The following PNPLA7 variants were observed in gnomAD, a reference collection of about 807,000 sequenced individuals.
PNPLA7 encodes patatin-like phospholipase domain-containing protein 7.
PNPLA7 carries 153 observed loss-of-function variants against 161.7 expected under a neutral mutation model. That is an observed-to-expected ratio of 0.95 (90% CI 0.83 to 1.08). The LOEUF (loss-of-function observed/expected upper bound fraction) is 1.08. PNPLA7 is among the 50% of genes least tolerant of loss of function. The pLI, the probability that PNPLA7 is intolerant of heterozygous loss-of-function variation, is 0.00. For synonymous variants in PNPLA7, 809 were observed against 782.1 expected (o/e 1.03, Z -0.57); for missense variants, 1,739 against 1,856.6 (o/e 0.94, Z 1.16).
intron 25 of PNPLA7, among the ~76,000 whole-genome samples, chr9:137,473,376 TAGA>T (rs1831801430): frequency 6.6e-6 from 1 of 152,128 alleles, no homozygotes; most frequent in Non-Finnish European, 1.5e-5. Context: ...GAAAATCTTC[TAGA>T]AGAAGATGAA....
intron 23 of PNPLA7, among the ~76,000 whole-genome samples, chr9:137,480,096 A>G (rs1342281920): frequency 6.6e-6 from 1 of 152,278 alleles, no homozygotes; most frequent in African/African-American, 2.4e-5. Flanking sequence ...CGGCTTCACA[A>G]GAGGCCACGT....
chr9:137,492,064 T>C (rs1832789692), intron 20 of PNPLA7: 2 of 985,214 alleles, frequency 2.0e-6, no homozygotes, highest in Non-Finnish European at 2.4e-6. Context: ...TGGGGTCAAA[T>C]GCTGTCCAGC....
chr9:137,478,706 C>G, intron 24 of PNPLA7: 1 of 234,038 alleles, frequency 4.3e-6, no homozygotes, highest in Non-Finnish European at 8.4e-6. Flanking sequence ...CCTGAGCAGC[C>G]CTGACATGAG....
At position 137,540,798 on chromosome 9, in the gene PNPLA7, C is replaced by A; in HGVS notation, c.667-76G>T. 7.1e-7 allele frequency: 1 copy of A among 1,398,976 alleles called. No individual in the cohort carries two copies. The highest frequency in any genetic ancestry group is 1.2e-5 in the South Asian group (1 of 82,510). The allele number at this position is 1,398,976 out of a possible 1,614,324, so 86.7% of individuals were successfully genotyped here. ...GGGGCCTGGCGGAGGCTCAGCCCAG[C>A]CCAGGGCAGTGGGGCCACGGGCCTG... On this transcript the variant is annotated intron_variant, in intron 7 of 34. Coordinates refer to ENST00000406427, the MANE Select transcript of PNPLA7 (RefSeq NM_001098537.3). The surrounding 1 kb of genome is among the most constrained non-coding windows in gnomAD (Gnocchi z 5.1).
chr9:137,502,382 A>G (rs1833484288), intron 14 of PNPLA7, among the ~76,000 whole-genome samples: 1 of 151,836 alleles, frequency 6.6e-6, no homozygotes. Context: ...AAAACAAACC[A>G]TTAAACTTCC....
At position 137,502,737 on chromosome 9, in the gene PNPLA7, C is replaced by CGGGGGGGGCCCGGGGGAT. The variant is rs1554767775; in HGVS notation, c.1474-1011_1474-1010insATCCCCCGGGCCCCCCCC. Among the ~76,000 whole-genome samples, 3 of 62,904 alleles carry CGGGGGGGGCCCGGGGGAT rather than the reference C, an allele frequency of 4.8e-5. 1 individual carries two copies. Among genetic ancestry groups the CGGGGGGGGCCCGGGGGAT allele is most frequent in the Non-Finnish European group, 1.1e-4 (3 of 28,546 alleles). The allele number at this position is 62,904 out of a possible 152,430, so 41.3% of individuals were successfully genotyped here. On this transcript the variant is annotated intron_variant, in intron 14 of 34. Transcript: ENST00000406427. ...CGGGGGACGCGGGGGACGGGGGGGA[C>CGGGGGGGGCCCGGGGGAT]GAGAGGGATGTGGGAGCCGGCCACG...
chr9:137,542,581 A>C (rs1258720645), intron 7 of PNPLA7, 61 bp downstream of exon 7: 5 of 1,423,956 alleles, frequency 3.5e-6, no homozygotes, highest in Non-Finnish European at 4.6e-6. Flanking sequence ...ACAGCCCGAG[A>C]AGACAGACGT....
At chr9:137,480,274 G>C (rs1248156192) in intron 23 of PNPLA7, 38 bp downstream of exon 23, 1 of 1,593,326 alleles carries the variant, frequency 6.3e-7, no homozygotes, top group East Asian at 2.2e-5. Flanking sequence ...TCTGAAGAGA[G>C]GGCTCTCCCC....
At chr9:137,464,301 C>A (rs1203781507) in intron 27 of PNPLA7, 39 bp downstream of exon 27, 1 of 1,606,092 alleles carries the variant, frequency 6.2e-7, no homozygotes, top group Non-Finnish European at 8.5e-7. Context: ...AGGGGACAGG[C>A]ACTGGGGGCT....
intron 8 of PNPLA7, among the ~76,000 whole-genome samples, chr9:137,539,912 A>C (rs1172146748): frequency 6.6e-6 from 1 of 152,022 alleles, no homozygotes; most frequent in Non-Finnish European, 1.5e-5. Context: ...CAGCCTCCCA[A>C]GTAGCTGGGA....
At position 137,546,812 on chromosome 9, in the gene PNPLA7, G is replaced by T; in HGVS notation, c.273+18C>A. The T allele has an allele frequency of 6.2e-7, 1 of 1,613,046 alleles. No individual in the cohort carries two copies. Among genetic ancestry groups the T allele is most frequent in the South Asian group, 1.1e-5 (1 of 91,084 alleles). ...TCGAGGAAGCCGTGTGCAGCCTGGG[G>T]CCCCGAGCAACAGCTACCTTCCTCA... On this transcript the variant is annotated intron_variant, in intron 4 of 34. Coordinates refer to ENST00000406427, the MANE Select transcript of PNPLA7 (RefSeq NM_001098537.3).
rs765114134 is a variant in PNPLA7, at chr9:137,462,016, G to A, written c.3671C>T (p.Thr1224Met). Residue 1224 changes from threonine to methionine, a missense_variant, in exon 32 of 35, where the codon ACG becomes ATG. Thr to Met is a moderately conservative substitution (Grantham distance 81). Coordinates refer to ENST00000406427, the MANE Select transcript of PNPLA7 (RefSeq NM_001098537.3). ...GCTGCGGCCCCAGATGTCAAACACC[G>A]TGCGCCCGTGCTGGTAGCCCACTTC... is the stretch of plus-strand genomic sequence containing the variant. ...ICEVGYQHGR[T>M]VFDIWGRSGV... 4.4e-6 allele frequency: 7 copies of A among 1,600,604 alleles called. No homozygotes were observed. Among genetic ancestry groups the A allele is most frequent in the Non-Finnish European group, 5.1e-6 (6 of 1,175,236 alleles).
chr9:137,508,333 C>T (rs1427533847), intron 12 of PNPLA7, among the ~76,000 whole-genome samples: 3 of 152,100 alleles, frequency 2.0e-5, no homozygotes, highest in Admixed American at 6.5e-5. Context: ...TTTGGGAGGA[C>T]GAGGCGGGCG....
In PNPLA7 at chr9:137,520,850, C is replaced by T. The variant is rs952078110; in HGVS notation, c.957+786G>A. Among the ~76,000 whole-genome samples the T allele has an allele frequency of 8.5e-5, 13 of 152,244 alleles. No homozygotes were observed. The highest frequency in any genetic ancestry group is 3.1e-4 in the African/African-American group (13 of 41,458). ...AGTTCAGGGTCAGCTCCGCCCCACC[C>T]GGTTCAGATAGGAGGAGCTGTCAAG... On this transcript the variant is annotated intron_variant, in intron 10 of 34. Coordinates refer to ENST00000406427, the MANE Select transcript of PNPLA7 (RefSeq NM_001098537.3). The surrounding 1 kb of genome is among the most constrained non-coding windows in gnomAD (Gnocchi z 5.2).
intron 29 of PNPLA7, 74 bp from the exon 30 acceptor site, chr9:137,462,907 T>C: frequency 6.3e-7 from 1 of 1,579,376 alleles, no homozygotes; most frequent in East Asian, 2.3e-5. Context: ...AGCCTGCCTC[T>C]CCGAGCCCTG....
intron 8 of PNPLA7, among the ~76,000 whole-genome samples, chr9:137,526,624 A>C (rs1377104336): frequency 6.6e-6 from 1 of 152,198 alleles, no homozygotes; most frequent in Admixed American, 6.5e-5. Flanking sequence ...AGAATATTGA[A>C]TCTGAGGGGG....
At chr9:137,494,430 C>G (rs1832928217) in intron 19 of PNPLA7, among the ~76,000 whole-genome samples, 1 of 152,202 alleles carries the variant, frequency 6.6e-6, no homozygotes, top group Non-Finnish European at 1.5e-5. Flanking sequence ...CAGCTGGGCT[C>G]TAATCTTCAC....
In PNPLA7 at chr9:137,468,348, A is replaced by G. The variant is rs1424515377; in HGVS notation, c.2883-875T>C. Among the ~76,000 whole-genome samples, 1 of 152,228 alleles carries G rather than the reference A, an allele frequency of 6.6e-6. No individual in the cohort carries two copies. The highest frequency in any genetic ancestry group is 2.4e-5 in the African/African-American group (1 of 41,466). On this transcript the variant is annotated intron_variant, in intron 25 of 34. Coordinates refer to ENST00000406427, the MANE Select transcript of PNPLA7 (RefSeq NM_001098537.3). This position sits in a 1 kb window ranked among gnomAD's most constrained non-coding sequence, Gnocchi z 4.0. ...CCTTTTGGCCTCATAGCCAAAAGAA[A>G]AAACAGACAATGAAAGTGGGCCCAG...
Position 137,543,509 on chromosome 9 carries a change from C to T in PNPLA7, c.429G>A (p.Leu143=). The part of the protein sequence containing the change: ...LQPKEPPPSL[L]EADLTEFDVK... ...CGTCAAACTCCGTGAGGTCGGCCTC[C>T]AGCAGGGAGGGCGGGGGCTCCTTGG... Residue 143 remains leucine, a synonymous_variant, in exon 6 of 35, where the codon CTG becomes CTA. Coordinates refer to ENST00000406427, the MANE Select transcript of PNPLA7 (RefSeq NM_001098537.3). The surrounding 1 kb of genome is among the most constrained non-coding windows in gnomAD (Gnocchi z 6.9). The T allele has an allele frequency of 1.2e-6, 2 of 1,614,066 alleles. No individual in the cohort carries two copies. Among genetic ancestry groups the T allele is most frequent in the South Asian group, 1.1e-5 (1 of 91,084 alleles).
Sources: gnomAD v4.1 joint callset for allele counts (sites outside exome capture counted in the v4.1 genomes callset) on GRCh38, gnomAD v4.1.1 for gene constraint, Gnocchi (gnomAD v3.1) non-coding constraint, MANE v1.5 for transcripts, NCBI Gene and HGNC (gene_info 2026-07-23, HGNC 2026-07-21) for gene names.